FBN1: variants seen among roughly 807,000 people sequenced by gnomAD.
FBN1 encodes fibrillin-1.
A neutral mutation model predicts 365.1 loss-of-function variants in FBN1; 29 were observed. The observed-to-expected ratio is 0.08, with a 90% confidence interval of 0.06 to 0.11. The LOEUF is 0.11. Among genes scored for constraint, FBN1 ranks in the 10% least tolerant of loss-of-function variants. FBN1 has a pLI of 1.00. For missense variants in FBN1, 2,476 were observed against 3,703.2 expected, an observed-to-expected ratio of 0.67 and a Z score of 8.60; for synonymous variants, 1,210 against 1,270.5, an observed-to-expected ratio of 0.95 and a Z score of 1.01.
rs111886907 is a variant in FBN1, at chr15:48,617,023, C to T, written c.165-3931G>A. ...GCCTCCTGATTCTAGAGTACGCTCTCCTAACCTTATGTTAAGTCAAAAGTG... is the reference window on the plus strand; with the variant it reads ...GCCTCCTGATTCTAGAGTACGCTCTTCTAACCTTATGTTAAGTCAAAAGTG... On this transcript the variant is annotated intron_variant, in intron 2 of 65. Transcript: ENST00000316623. Among the ~76,000 whole-genome samples, 1,038 of 152,252 alleles carry T rather than the reference C, an allele frequency of 6.8e-3. 12 individuals carry two copies. The highest frequency in any genetic ancestry group is 0.024 in the African/African-American group (987 of 41,542).
At chr15:48,471,957 G>A (rs966922036) in intron 35 of FBN1, among the ~76,000 whole-genome samples, 6 of 152,188 alleles carry the variant, frequency 3.9e-5, no homozygotes, top group Non-Finnish European at 8.8e-5. Flanking sequence ...AAAGCTGAGC[G>A]ATACCATGCC....
At chr15:48,424,887 C>T (rs1174015655) in intron 60 of FBN1, among the ~76,000 whole-genome samples, 1 of 152,204 alleles carries the variant, frequency 6.6e-6, no homozygotes, top group Non-Finnish European at 1.5e-5. Flanking sequence ...GAAGCTCCTA[C>T]AGGGCAGAAA....
chr15:48,485,385 C>G lies in FBN1; in HGVS notation c.3701G>C (p.Arg1234Thr). ...TAGAACCTACTCACCGGTGCATGATCTCTGGTCAGGCATTAGTGCAAATCC... is the reference window on the plus strand; with the variant it reads ...TAGAACCTACTCACCGGTGCATGATGTCTGGTCAGGCATTAGTGCAAATCC... ...QPGFALMPDQ[R>T]SCTDIDECED... The change falls in exon 30 of 66, where the codon AGA becomes ACA. Residue 1234 changes from arginine to threonine, a missense_variant. By Grantham distance (71) the Arg-to-Thr change is moderately conservative. This residue lies in a region of FBN1 where 1,780 missense variants were observed against 2,840.8 expected (regional missense o/e 0.63). Transcript: ENST00000316623. 1 of 1,614,190 alleles carries G rather than the reference C, an allele frequency of 6.2e-7. No homozygotes were observed. Among genetic ancestry groups the G allele is most frequent in the Non-Finnish European group, 8.5e-7 (1 of 1,180,036 alleles).
At chr15:48,504,117 G>A (rs112004212) in intron 16 of FBN1, among the ~76,000 whole-genome samples, 178 bp from the exon 17 acceptor site, 1 of 152,142 alleles carries the variant, frequency 6.6e-6, no homozygotes, top group African/African-American at 2.4e-5. Flanking sequence ...AACAAAACAC[G>A]TTCAGCTTCT....
At chr15:48,471,676 A>AT (rs2043377842) in intron 35 of FBN1, among the ~76,000 whole-genome samples, 2 of 152,374 alleles carry the variant, frequency 1.3e-5, no homozygotes, top group South Asian at 4.1e-4. Context: ...TACATGTCAT[A>AT]GCTAATGACT....
At chr15:48,422,506 C>T (rs2042951655) in intron 60 of FBN1, among the ~76,000 whole-genome samples, 1 of 152,320 alleles carries the variant, frequency 6.6e-6, no homozygotes, top group African/African-American at 2.4e-5. Flanking sequence ...GCTTAGTTCT[C>T]TTCTGTTTGC....
chr15:48,420,644 AC>A, intron 63 of FBN1, 42 bp downstream of exon 63: 1 of 1,612,966 alleles, frequency 6.2e-7, no homozygotes, highest in South Asian at 1.1e-5. Flanking sequence ...GCTTCATAGG[AC>A]CTGATAGCCA....
intron 6 of FBN1, among the ~76,000 whole-genome samples, chr15:48,588,231 A>G (rs1176275126): frequency 6.6e-6 from 1 of 152,222 alleles, no homozygotes; most frequent in African/African-American, 2.4e-5. Context: ...GATAATTTTT[A>G]ATACTGAGTA....
chr15:48,443,527 G>T lies in FBN1; in HGVS notation c.6037+1014C>A, dbSNP rs186703828. Reference sequence around the variant, plus strand: ...AACATGCTTAAAAAATTTGCATCTAGACAATTTCAATAAGGTGTTTCCATT... The same window carrying T: ...AACATGCTTAAAAAATTTGCATCTATACAATTTCAATAAGGTGTTTCCATT... On this transcript the variant is annotated intron_variant, in intron 49 of 65. Transcript: ENST00000316623. Among the ~76,000 whole-genome samples the T allele has an allele frequency of 1.2e-3, 181 of 152,154 alleles. 1 individual carries two copies. Among genetic ancestry groups the T allele is most frequent in the African/African-American group, 4.0e-3 (168 of 41,498 alleles).
chr15:48,450,362 G>GC (rs1401628068), intron 45 of FBN1, among the ~76,000 whole-genome samples: 1 of 152,128 alleles, frequency 6.6e-6, no homozygotes, highest in Non-Finnish European at 1.5e-5. Flanking sequence ...TTCATCTACT[G>GC]CCCTATTTCA....
At chr15:48,605,040 G>GA (rs1289270381) in intron 4 of FBN1, among the ~76,000 whole-genome samples, 1 of 152,172 alleles carries the variant, frequency 6.6e-6, no homozygotes, top group Non-Finnish European at 1.5e-5. Flanking sequence ...AATTAAATGA[G>GA]AAAATGTGAT....
At chr15:48,533,300 C>A (rs978165449) in intron 8 of FBN1, among the ~76,000 whole-genome samples, 15 of 152,296 alleles carry the variant, frequency 9.8e-5, no homozygotes, top group Admixed American at 9.2e-4. Context: ...AATGCTGTTA[C>A]ACTATTGTTG....
intron 6 of FBN1, among the ~76,000 whole-genome samples, chr15:48,595,470 C>T (rs1054833275): frequency 6.6e-6 from 1 of 151,998 alleles, no homozygotes; most frequent in Non-Finnish European, 1.5e-5. Context: ...AATGTAGAGA[C>T]AAGATTATTA....
chr15:48,621,310 T>C (rs1268818885), intron 2 of FBN1, among the ~76,000 whole-genome samples: 1 of 152,124 alleles, frequency 6.6e-6, no homozygotes. Context: ...ACAAATCCTA[T>C]CTCAGCCAGG....
chr15:48,521,205 T>C (rs1409556218), intron 9 of FBN1, among the ~76,000 whole-genome samples: 1 of 152,248 alleles, frequency 6.6e-6, no homozygotes, highest in African/African-American at 2.4e-5. Context: ...AACTGCTTAA[T>C]TCGAGCCATT....
rs867012650 is a variant in FBN1 at position 48,585,670 on chromosome 15, T to C, written c.538+10613A>G. On this transcript the variant is annotated intron_variant, in intron 6 of 65. Coordinates refer to ENST00000316623, the MANE Select transcript of FBN1 (RefSeq NM_000138.5). Reference sequence around the variant, plus strand: ...AGCTTGGTAGTGAAATAGGAAGAAGTATCAGATCTAATTTCTAGTCTTTGA... The same window carrying C: ...AGCTTGGTAGTGAAATAGGAAGAAGCATCAGATCTAATTTCTAGTCTTTGA... Among the ~76,000 whole-genome samples, 4 of 152,206 alleles carry C rather than the reference T, an allele frequency of 2.6e-5. No homozygotes were observed. The South Asian group carries it at 6.2e-4, about 24-fold the overall frequency.
chr15:48,432,327 T>C (rs1229452548), intron 55 of FBN1, among the ~76,000 whole-genome samples: 1 of 152,202 alleles, frequency 6.6e-6, no homozygotes, highest in Non-Finnish European at 1.5e-5. Flanking sequence ...GCAAACTCTA[T>C]GATTACTGCA....
chr15:48,471,043 T>C (rs1410152814), intron 35 of FBN1, among the ~76,000 whole-genome samples: 1 of 152,054 alleles, frequency 6.6e-6, no homozygotes, highest in Non-Finnish European at 1.5e-5. Flanking sequence ...ATCACTTTCG[T>C]AAAGTAAGAG....
intron 6 of FBN1, among the ~76,000 whole-genome samples, chr15:48,566,677 A>C (rs2044260620): frequency 2.0e-5 from 3 of 152,228 alleles, no homozygotes; most frequent in African/African-American, 4.8e-5. Flanking sequence ...GGATGCTTAA[A>C]ATCATAGACT....
Sources: allele counts gnomAD v4.1 joint callset (sites outside exome capture counted in the v4.1 genomes callset), GRCh38; gene constraint gnomAD v4.1.1; regional missense constraint gnomAD v4.1.1; transcripts MANE v1.5; gene names NCBI Gene and HGNC (gene_info 2026-07-23, HGNC 2026-07-21).